Variants in PALM observed in about 807,000 individuals in gnomAD.
The protein encoded by PALM is paralemmin.
A neutral mutation model predicts 30.7 loss-of-function variants in PALM; 18 were observed. The observed-to-expected ratio is 0.59, with a 90% CI of 0.41 to 0.87. The LOEUF (loss-of-function observed/expected upper bound fraction) is 0.87, where lower values mean the gene tolerates loss of function less well. Among genes scored for constraint, PALM ranks in the 40% least tolerant of loss-of-function variants. PALM has a pLI of 0.00. For missense variants in PALM, 529 were observed against 555.4 expected (o/e 0.95, Z 0.48); for synonymous variants, 286 against 242.8 (o/e 1.18, Z -1.66).
At chr19:732,080 G>A (rs548285853) in intron 5 of PALM, among the ~76,000 whole-genome samples, 19 of 147,988 alleles carry the variant, frequency 1.3e-4, no homozygotes, top group African/African-American at 4.2e-4. Context: ...CAGCTCCAGC[G>A]ATCCTCCTGC....
At chr19:716,428 A>T (rs961758784) in intron 1 of PALM, among the ~76,000 whole-genome samples, 1 of 146,458 alleles carries the variant, frequency 6.8e-6, no homozygotes, top group Admixed American at 6.8e-5. Flanking sequence ...AAAAAAAAAG[A>T]AAGTTTAGAT....
chr19:716,982 T>G (rs959807374), intron 1 of PALM, among the ~76,000 whole-genome samples: 3 of 151,396 alleles, frequency 2.0e-5, no homozygotes, highest in African/African-American at 7.3e-5. Context: ...TAGGCTGGAG[T>G]GCAGTGACGT....
chr19:724,252 G>A (rs1042189106), intron 1 of PALM, among the ~76,000 whole-genome samples: 2 of 152,170 alleles, frequency 1.3e-5, no homozygotes, highest in Non-Finnish European at 2.9e-5. Flanking sequence ...AAAGGGCCCT[G>A]TATCTTTGAA....
chr19:718,027 C>T (rs926923618), intron 1 of PALM, among the ~76,000 whole-genome samples: 10 of 152,004 alleles, frequency 6.6e-5, no homozygotes, highest in African/African-American at 1.9e-4. Flanking sequence ...ACTAAAAATA[C>T]GAAAATTAGC....
At chr19:715,125 G>A (rs1472042513) in intron 1 of PALM, among the ~76,000 whole-genome samples, 3 of 152,134 alleles carry the variant, frequency 2.0e-5, no homozygotes, top group African/African-American at 4.8e-5. Flanking sequence ...TTAGCCGGGC[G>A]GGCGTGGTGG....
chr19:719,360 A>G lies in PALM; in HGVS notation c.6-6778A>G, dbSNP rs1016630854. The G allele has an allele frequency of 6.1e-6, 6 of 985,368 alleles. No homozygotes were observed. The African/African-American group carries it at 1.0e-4, about 17-fold the overall frequency. The allele number at this position is 985,368 out of a possible 1,614,324, so 61.0% of individuals were successfully genotyped here. A position where few individuals can be genotyped will look rare whatever the true frequency, so the allele number is the denominator to read the frequency against. ...GCCTCATGAACTCATCTCCTGGAGC[A>G]GGACTATCTCACGCGCTCCAGACGA... On this transcript the variant is annotated intron_variant, in intron 1 of 8. Coordinates refer to ENST00000338448, the MANE Select transcript of PALM (RefSeq NM_002579.3).
chr19:711,391 G>A (rs1007918096), intron 1 of PALM, among the ~76,000 whole-genome samples: 1 of 152,174 alleles, frequency 6.6e-6, no homozygotes. Context: ...AAACCCCCGG[G>A]ATAGGGAGGA....
chr19:738,342 C>A (rs151221883), intron 7 of PALM, among the ~76,000 whole-genome samples: 3 of 152,002 alleles, frequency 2.0e-5, no homozygotes, highest in Admixed American at 2.0e-4. Flanking sequence ...TTGGCTAACA[C>A]GGTGAAACCC....
chr19:730,272 C>T (rs1252037488), intron 4 of PALM, among the ~76,000 whole-genome samples: 3 of 152,156 alleles, frequency 2.0e-5, no homozygotes. Context: ...AACCTGTCAG[C>T]CTGGGCCCAC....
intron 5 of PALM, among the ~76,000 whole-genome samples, chr19:732,565 G>A (rs1176640085): frequency 5.9e-5 from 9 of 152,098 alleles, no homozygotes; most frequent in Admixed American, 3.9e-4. Flanking sequence ...TGTCGTGGCC[G>A]GCACCTGTAA....
rs1307735939 is a variant in PALM at position 727,048 on chromosome 19, G to C, written c.98G>C (p.Arg33Pro). 1 of 1,301,486 alleles carries C rather than the reference G, an allele frequency of 7.7e-7. No individual in the cohort carries two copies. Among genetic ancestry groups the C allele is most frequent in the Admixed American group, 2.3e-5 (1 of 42,604 alleles). 80.6% of individuals were successfully genotyped at this position (1,301,486 alleles called of 1,614,324 possible). A position where few individuals can be genotyped will look rare whatever the true frequency, so the allele number is the denominator to read the frequency against. ...KRQAEIENKR[R>P]QLEDERRQLQ... Reference sequence around the variant, plus strand: ...CAGGCGGAGATCGAGAACAAGCGCCGGCAGCTGGAGGACGAGCGGAGGCAG... The same window carrying C: ...CAGGCGGAGATCGAGAACAAGCGCCCGCAGCTGGAGGACGAGCGGAGGCAG... Residue 33 changes from arginine (R) to proline (P), a missense_variant, in exon 3 of 9, where the codon CGG becomes CCG. Arg to Pro is a moderately radical substitution (Grantham distance 103). Transcript: ENST00000338448.
intron 8 of PALM, among the ~76,000 whole-genome samples, chr19:744,502 A>C (rs934417349): frequency 6.6e-5 from 10 of 152,214 alleles, no homozygotes; most frequent in Admixed American, 1.3e-4. Flanking sequence ...AAGCTCCTAG[A>C]AAACAAAAAT....
In PALM at chr19:735,493, G is replaced by A. The variant is rs112802612; in HGVS notation, c.443-526G>A. ...TCTGGGGGCCCAGGTGCCTGTGTCC[G>A]GGTGTCTGGGTGGGATCTGTGTGTC... On this transcript the variant is annotated intron_variant, in intron 6 of 8. Coordinates refer to ENST00000338448, the MANE Select transcript of PALM (RefSeq NM_002579.3). 8.9e-3 allele frequency among the ~76,000 whole-genome samples: 580 copies of A among 64,886 alleles called. 28 individuals carry two copies. The East Asian group carries it at 0.18, about 20-fold the overall frequency. The allele number at this position is 64,886 out of a possible 152,430, so 42.6% of individuals were successfully genotyped here.
At chr19:733,634 G>A (rs116660714) in intron 5 of PALM, among the ~76,000 whole-genome samples, 3,133 of 152,312 alleles carry the variant, frequency 0.021, 99 homozygotes, top group African/African-American at 0.07. Context: ...CGGAGGAGCC[G>A]GCTGGATTCA....
intron 1 of PALM, among the ~76,000 whole-genome samples, chr19:712,541 G>A (rs1599132070): frequency 6.6e-6 from 1 of 150,926 alleles, no homozygotes; most frequent in African/African-American, 2.4e-5. Flanking sequence ...CCACCATCAC[G>A]CCCGGCTAAT....
At chr19:711,853 C>T (rs1291738336) in intron 1 of PALM, among the ~76,000 whole-genome samples, 1 of 152,144 alleles carries the variant, frequency 6.6e-6, no homozygotes, top group East Asian at 1.9e-4. Flanking sequence ...CTCCTGGGCT[C>T]AAGCGACTTC....
chr19:727,140 G>A (rs757598047), intron 3 of PALM, 52 bp downstream of exon 3: 35 of 1,226,642 alleles, frequency 2.9e-5, no homozygotes, highest in East Asian at 2.1e-4. Flanking sequence ...GCTGTGAGGC[G>A]GAGGCCCCGG....
intron 8 of PALM, among the ~76,000 whole-genome samples, chr19:743,052 C>T (rs746268140): frequency 1.3e-5 from 2 of 152,100 alleles, no homozygotes; most frequent in Admixed American, 6.6e-5. Flanking sequence ...CACCAGCGCT[C>T]GTAGCCCATT....
chr19:713,883 A>G (rs1030060482), intron 1 of PALM, among the ~76,000 whole-genome samples: 1 of 142,196 alleles, frequency 7.0e-6, no homozygotes, highest in African/African-American at 2.6e-5. Context: ...TGCCCAGCCT[A>G]TGTTCTTTTT....
Sources: gnomAD v4.1 joint callset for allele counts (sites outside exome capture counted in the v4.1 genomes callset) on GRCh38, gnomAD v4.1.1 for gene constraint, MANE v1.5 for transcripts, NCBI Gene and HGNC (gene_info 2026-07-23, HGNC 2026-07-21) for gene names.